The following NPAS2 variants were observed in gnomAD, a reference collection of about 807,000 sequenced individuals.
NPAS2 encodes the protein neuronal PAS domain-containing protein 2.
In NPAS2, 23 loss-of-function variants were observed where a neutral mutation model predicts 107.5. That is an observed-to-expected ratio of 0.21 (90% CI 0.15 to 0.30). The LOEUF (loss-of-function observed/expected upper bound fraction) is 0.30. Among genes scored for constraint, NPAS2 ranks in the 10% least tolerant of loss-of-function variants. The pLI is 1.00. For synonymous variants in NPAS2, 403 were observed against 417.5 expected (o/e 0.97, Z 0.42); for missense variants, 756 against 1,043.3 (o/e 0.72, Z 3.79).
At chr2:100,979,001 G>A (rs561387067) in intron 15 of NPAS2, among the ~76,000 whole-genome samples, 11 of 152,318 alleles carry the variant, frequency 7.2e-5, no homozygotes, top group Middle Eastern at 3.4e-3. Flanking sequence ...CTAGAGCTGC[G>A]TCCCAGACGG....
At position 100,918,254 on chromosome 2, in the gene NPAS2, C is replaced by G. The variant is rs75062077; in HGVS notation, c.33-6892C>G. On this transcript the variant is annotated intron_variant, in intron 2 of 20. Coordinates refer to ENST00000335681, the MANE Select transcript of NPAS2 (RefSeq NM_002518.4). ...TCTATTCATGAAATAAAAATCAATA[C>G]TGAAATTATAAATCTAAATGTAAAA... Among the ~76,000 whole-genome samples the G allele has an allele frequency of 2.8e-3, 419 of 151,914 alleles. 17 individuals are homozygous for G. The East Asian group carries it at 0.075, about 27-fold the overall frequency.
chr2:100,831,496 G>A (rs1007329039), intron 1 of NPAS2, among the ~76,000 whole-genome samples: 3 of 152,056 alleles, frequency 2.0e-5, no homozygotes, highest in African/African-American at 7.2e-5. Context: ...AGGTGGGGGC[G>A]GATGTGTCAG....
chr2:100,990,577 A>G, intron 18 of NPAS2, 131 bp downstream of exon 18: 2 of 1,099,272 alleles, frequency 1.8e-6, no homozygotes, highest in Non-Finnish European at 1.3e-6. Context: ...ATCTCAGCTA[A>G]GGAAGCAGAG....
intron 6 of NPAS2, among the ~76,000 whole-genome samples, chr2:100,948,869 C>T (rs868700273): frequency 3.9e-5 from 6 of 152,180 alleles, no homozygotes; most frequent in Non-Finnish European, 7.3e-5. Flanking sequence ...AGGTAGAAGG[C>T]TAACCTTGAT....
At chr2:100,847,362 C>T (rs1057152627) in intron 1 of NPAS2, 6 of 152,112 alleles carry the variant, frequency 3.9e-5, no homozygotes, top group Non-Finnish European at 8.8e-5. Flanking sequence ...TACTTTACCA[C>T]AATAAAAATG....
chr2:100,870,607 C>T (rs1245815113), intron 1 of NPAS2, among the ~76,000 whole-genome samples: 1 of 152,006 alleles, frequency 6.6e-6, no homozygotes, highest in East Asian at 2.0e-4. Context: ...GTTGCCCAGG[C>T]TGGTCTCAAA....
Position 100,888,966 on chromosome 2 carries a change from T to C in NPAS2, c.-22-15767T>C, listed in dbSNP as rs527541037. On this transcript the variant is annotated intron_variant, in intron 1 of 20. Transcript: ENST00000335681. ...CAGTCTCTTTTTAAAAAGAAAAATA[T>C]GTACTTCTCTTTTCTCTTGCAGTTT... Among the ~76,000 whole-genome samples the C allele has an allele frequency of 3.9e-5, 6 of 152,330 alleles. 1 individual carries two copies. The South Asian group carries it at 1.2e-3, about 32-fold the overall frequency.
At chr2:100,846,745 T>A (rs1011543312) in intron 1 of NPAS2, 1 of 152,214 alleles carries the variant, frequency 6.6e-6, no homozygotes, top group South Asian at 2.1e-4. Context: ...TAATACTAAG[T>A]ATCATTTAAT....
intron 15 of NPAS2, 124 bp downstream of exon 15, chr2:100,977,923 T>C (rs1019612392): frequency 2.5e-6 from 2 of 787,668 alleles, no homozygotes; most frequent in Admixed American, 4.0e-5. Context: ...TCCCTCCCAA[T>C]GTGTGTGTGG....
At chr2:100,969,990 T>G (rs547996996) in intron 11 of NPAS2, among the ~76,000 whole-genome samples, 261 of 152,254 alleles carry the variant, frequency 1.7e-3, no homozygotes, top group Non-Finnish European at 2.7e-3. Context: ...ATGTATCAGG[T>G]CACCAAATCA....
intron 2 of NPAS2, among the ~76,000 whole-genome samples, chr2:100,921,322 G>A (rs1006792150): frequency 6.6e-6 from 1 of 152,200 alleles, no homozygotes; most frequent in African/African-American, 2.4e-5. Context: ...AGAATTGAAG[G>A]AATGAATGGA....
intron 1 of NPAS2, among the ~76,000 whole-genome samples, chr2:100,870,581 G>C (rs1351121854): frequency 3.9e-5 from 6 of 152,064 alleles, no homozygotes; most frequent in Non-Finnish European, 7.4e-5. Flanking sequence ...TTTTTGTAGA[G>C]ATGGGGTTTT....
At chr2:100,948,420 A>G (rs1334158112) in intron 6 of NPAS2, 65 bp downstream of exon 6, 2 of 1,433,496 alleles carry the variant, frequency 1.4e-6, no homozygotes, top group African/African-American at 2.9e-5. Flanking sequence ...AAAGGAGGTT[A>G]GAATGAATTA....
At position 100,827,507 on chromosome 2, in the gene NPAS2, A is replaced by C. The variant is rs191983585; in HGVS notation, c.-23+7093A>C. Among the ~76,000 whole-genome samples the C allele has an allele frequency of 1.1e-4, 17 of 152,198 alleles. No individual in the cohort carries two copies. In the East Asian group the frequency reaches 3.1e-3, roughly 28 times the overall value. ...TCACCCAGGTACTGATGTAGTACCC[A>C]ATAGTTAGGTTTTCAGTCCTTATCC... On this transcript the variant is annotated intron_variant, in intron 1 of 20. Transcript: ENST00000335681.
intron 16 of NPAS2, 115 bp downstream of exon 16, chr2:100,982,492 C>G: frequency 8.1e-7 from 1 of 1,229,722 alleles, no homozygotes; most frequent in South Asian, 1.5e-5. Context: ...CCTGCCAAGC[C>G]CCATTTGCTT....
intron 6 of NPAS2, 102 bp from the exon 7 acceptor site, chr2:100,949,265 G>A (rs984781382): frequency 9.5e-6 from 7 of 739,984 alleles, no homozygotes; most frequent in Non-Finnish European, 1.7e-5. Flanking sequence ...CTGGCCATGT[G>A]TAGACTAAAT....
At chr2:100,823,287 A>G (rs1029330188) in intron 1 of NPAS2, among the ~76,000 whole-genome samples, 3 of 152,220 alleles carry the variant, frequency 2.0e-5, no homozygotes, top group Non-Finnish European at 4.4e-5. Flanking sequence ...GCAGTCTTTA[A>G]GGCACAACTG....
intron 1 of NPAS2, among the ~76,000 whole-genome samples, chr2:100,828,276 T>C (rs1676512677): frequency 6.6e-6 from 1 of 152,228 alleles, no homozygotes. Context: ...TGTTCAGTTG[T>C]TTAAGTTCCT....
At position 100,825,571 on chromosome 2, in the gene NPAS2, G is replaced by A. The variant is rs139812121; in HGVS notation, c.-23+5157G>A. Reference sequence around the variant, plus strand: ...ATTTGCCTAGCAGAAACTGGATTTTGTACAGTAGACTGCCAACCCACACCT... The same window carrying A: ...ATTTGCCTAGCAGAAACTGGATTTTATACAGTAGACTGCCAACCCACACCT... On this transcript the variant is annotated intron_variant, in intron 1 of 20. Transcript: ENST00000335681. 4.6e-5 allele frequency among the ~76,000 whole-genome samples: 7 copies of A among 152,262 alleles called. No homozygotes were observed. In the East Asian group the frequency reaches 1.4e-3, roughly 29 times the overall value.
Sources: allele counts gnomAD v4.1 joint callset (sites outside exome capture counted in the v4.1 genomes callset), GRCh38; gene constraint gnomAD v4.1.1; transcripts MANE v1.5; gene names NCBI Gene and HGNC (gene_info 2026-07-23, HGNC 2026-07-21).